ZNF587: variants seen among roughly 807,000 people sequenced by gnomAD.
ZNF587 encodes the protein zinc finger protein zfp6.
A neutral mutation model predicts 7.5 loss-of-function variants in ZNF587; 8 were observed. The observed-to-expected ratio is 1.06, with a 90% CI of 0.62 to 1.92. The LOEUF (loss-of-function observed/expected upper bound fraction) is 1.92. Ranked by LOEUF, ZNF587 falls within the 40% of genes most tolerant of loss-of-function variation. The probability of loss-of-function intolerance (pLI) is 0.00; values close to 1 mark genes in which losing one functional copy is unlikely to be tolerated. For synonymous variants in ZNF587, 145 were observed against 237.8 expected (o/e 0.61, Z 3.59); for missense variants, 468 against 692.8 (o/e 0.68, Z 3.64).
chr19:57,854,120 TTTCA>T (rs1296814493), intron 1 of ZNF587: 1 of 151,556 alleles, frequency 6.6e-6, no homozygotes, highest in Non-Finnish European at 1.5e-5. Flanking sequence ...GCCTGGGGAG[TTTCA>T]TTCAGCCTGG....
intron 1 of ZNF587, chr19:57,850,559 G>C (rs2071269073): frequency 4.8e-6 from 2 of 416,504 alleles, no homozygotes; most frequent in South Asian, 9.1e-5. Context: ...TCCAGTGCAG[G>C]ATCTGCAAAA....
rs759643060 is a variant in ZNF587, at chr19:57,859,552, C to T, written c.1140C>T (p.Tyr380=). ...GTGTTCACACTGGAGAAAGGCCTTA[C>T]AAGTGTGGAGAATGTGGGAAATCTT... ...HQRVHTGERP[Y]KCGECGKSFG... is the part of the protein sequence containing the mutation. The change falls in exon 3 of 3, where the codon TAC becomes TAT. Residue 380 remains tyrosine (Y), a synonymous_variant. Transcript: ENST00000339656. 4.3e-6 allele frequency: 7 copies of T among 1,611,740 alleles called. No individual in the cohort carries two copies. The highest frequency in any genetic ancestry group is 5.1e-6 in the Non-Finnish European group (6 of 1,179,374).
At position 57,859,698 on chromosome 19, in the gene ZNF587, T is replaced by G. The variant is rs773039363; in HGVS notation, c.1286T>G (p.Leu429Arg). 1 of 1,613,638 alleles carries G rather than the reference T, an allele frequency of 6.2e-7. No homozygotes were observed. Among genetic ancestry groups the G allele is most frequent in the Admixed American group, 1.7e-5 (1 of 59,972 alleles). Residue 429 changes from leucine to arginine, a missense_variant, in exon 3 of 3, where the codon CTT becomes CGT. Leu to Arg is a moderately radical substitution (Grantham distance 102). This residue lies in a region of ZNF587 where 310 missense variants were observed against 325.6 expected (regional missense o/e 0.95). Coordinates refer to ENST00000339656, the MANE Select transcript of ZNF587 (RefSeq NM_032828.4). Reference sequence around the variant, plus strand: ...TCCCACCTCACTGAACACCAGAGACTTCACACTGGGGAAAGACCTTACAAT... The same window carrying G: ...TCCCACCTCACTGAACACCAGAGACGTCACACTGGGGAAAGACCTTACAAT... ...YRSHLTEHQRLHTGERPYNCR... is the reference protein window; with the variant it reads ...YRSHLTEHQRRHTGERPYNCR...
At position 57,853,445 on chromosome 19, in the gene ZNF587, T is replaced by C. The variant is rs1485544601; in HGVS notation, c.34-2659T>C. 2.0e-5 allele frequency among the ~76,000 whole-genome samples: 3 copies of C among 152,148 alleles called. No homozygotes were observed. The East Asian group carries it at 5.8e-4, about 29-fold the overall frequency. On this transcript the variant is annotated intron_variant, in intron 1 of 2. Coordinates refer to ENST00000339656, the MANE Select transcript of ZNF587 (RefSeq NM_032828.4). ...TGAAAGCTAATGAGTGAACTATGAT[T>C]AGTTATGGGTCCATTTAGGAGGACA...
In ZNF587 at chr19:57,859,851, C is replaced by T. The variant is rs1209355346; in HGVS notation, c.1439C>T (p.Thr480Ile). 6.2e-7 allele frequency: 1 copy of T among 1,613,798 alleles called. No homozygotes were observed. Among genetic ancestry groups the T allele is most frequent in the South Asian group, 1.1e-5 (1 of 91,058 alleles). ...TTATTTGGCAATAAGCACAGCGTGA[C>T]TATACATCAGAGGATTCACACTGGA... is the stretch of plus-strand genomic sequence containing the variant. ...GKLFGNKHSV[T>I]IHQRIHTGER... is the part of the protein sequence containing the mutation. The change falls in exon 3 of 3, where the codon ACT becomes ATT. Residue 480 changes from threonine to isoleucine, a missense_variant. Coordinates refer to ENST00000339656, the MANE Select transcript of ZNF587 (RefSeq NM_032828.4).
In ZNF587 at chr19:57,849,859, A is replaced by AGTAGCGGCTGT; in HGVS notation, c.-176_-166dup. On this transcript the variant is annotated 5_prime_UTR_variant, in exon 1 of 3. Coordinates refer to ENST00000339656, the MANE Select transcript of ZNF587 (RefSeq NM_032828.4). ...TAAGGCCGAGACTTCCGGGGTCTCT[A>AGTAGCGGCTGT]GTAGCGGCTGTGTATCGGCGATGCG... 1 of 1,476,996 alleles carries AGTAGCGGCTGT rather than the reference A, an allele frequency of 6.8e-7. No individual in the cohort carries two copies. The highest frequency in any genetic ancestry group is 9.0e-7 in the Non-Finnish European group (1 of 1,113,786). The allele number at this position is 1,476,996 out of a possible 1,614,324, so 91.5% of individuals were successfully genotyped here. A position where few individuals can be genotyped will look rare whatever the true frequency, so the allele number is the denominator to read the frequency against.
Position 57,856,157 on chromosome 19 carries a change from G to A in ZNF587, c.87G>A (p.Trp29Ter). ...CTGTGAACTTTTCCCAGGAGGAGTG[G>A]TGTCTTCTTAGTGAGGCTCAGAGGT... is the stretch of plus-strand genomic sequence containing the variant. ...DVAVNFSQEE[W>*]CLLSEAQRCL... Residue 29 changes from tryptophan (W) to a stop codon, truncating the protein, a stop_gained, in exon 2 of 3, where the codon TGG becomes TGA. Transcript: ENST00000339656. LOFTEE classifies it high-confidence loss of function. 6.2e-7 allele frequency: 1 copy of A among 1,613,134 alleles called. No individual in the cohort carries two copies. Among genetic ancestry groups the A allele is most frequent in the Non-Finnish European group, 8.5e-7 (1 of 1,179,590 alleles).
rs778415246 is a variant in ZNF587 at position 57,860,299 on chromosome 19, T to A, written c.*159T>A. ...GCGACTTCGTGTTGAGATGGAGTCTTGTTCTGTCACCCAGGCTGGAGTGCA... is the reference window on the plus strand; with the variant it reads ...GCGACTTCGTGTTGAGATGGAGTCTAGTTCTGTCACCCAGGCTGGAGTGCA... On this transcript the variant is annotated 3_prime_UTR_variant, in exon 3 of 3. Coordinates refer to ENST00000339656, the MANE Select transcript of ZNF587 (RefSeq NM_032828.4). 7.1e-7 allele frequency: 1 copy of A among 1,411,238 alleles called. No homozygotes were observed. Among genetic ancestry groups the A allele is most frequent in the Admixed American group, 2.0e-5 (1 of 48,968 alleles). 87.4% of individuals were successfully genotyped at this position (1,411,238 alleles called of 1,614,324 possible).
At chr19:57,852,265 T>G (rs2071290634) in intron 1 of ZNF587, 1 of 398,406 alleles carries the variant, frequency 2.5e-6, no homozygotes, top group South Asian at 1.3e-4. Context: ...CCTTGTAAGA[T>G]TAACCCAGGA....
At chr19:57,854,947 T>C (rs1396673387) in intron 1 of ZNF587, among the ~76,000 whole-genome samples, 6 of 145,548 alleles carry the variant, frequency 4.1e-5, no homozygotes, top group Admixed American at 1.4e-4. Context: ...GATGCTGAGG[T>C]GGGTGGATCA....
At position 57,860,137 on chromosome 19, in the gene ZNF587, A is replaced by G. The variant is rs767918728; in HGVS notation, c.1725A>G (p.Leu575=). 1 of 1,614,168 alleles carries G rather than the reference A, an allele frequency of 6.2e-7. No individual in the cohort carries two copies. The highest frequency in any genetic ancestry group is 1.1e-5 in the South Asian group (1 of 91,080). ...HHQSSHRRKA[L] ...AGAGTTCACACAGGAGAAAGGCCTTATGAGTGCAGTGAATATGGGAAATCG... is the reference window on the plus strand; with the variant it reads ...AGAGTTCACACAGGAGAAAGGCCTTGTGAGTGCAGTGAATATGGGAAATCG... The change falls in exon 3 of 3, where the codon TTA becomes TTG. Residue 575 remains leucine, a synonymous_variant. Coordinates refer to ENST00000339656, the MANE Select transcript of ZNF587 (RefSeq NM_032828.4).
chr19:57,858,122 CTTTT>C (rs572536483), intron 2 of ZNF587: 8 of 123,572 alleles, frequency 6.5e-5, no homozygotes, highest in Non-Finnish European at 1.2e-4. Context: ...GAAGCCCCAT[CTTTT>C]TTTTTTTTTT....
chr19:57,852,540 TC>T (rs200798261), intron 1 of ZNF587, among the ~76,000 whole-genome samples: 251 of 149,522 alleles, frequency 1.7e-3, no homozygotes, highest in Middle Eastern at 3.4e-3. Context: ...CTTTTTTTTT[TC>T]TTAACGTGGA....
chr19:57,854,677 T>C (rs1600120325), intron 1 of ZNF587, among the ~76,000 whole-genome samples: 2 of 151,922 alleles, frequency 1.3e-5, no homozygotes, highest in South Asian at 2.1e-4. Context: ...AGCAGAGTTA[T>C]GGAAACAAAC....
intron 1 of ZNF587, among the ~76,000 whole-genome samples, chr19:57,852,840 CTTTTTTTTTTTTT>C (rs35543941): frequency 8.3e-4 from 21 of 25,282 alleles, no homozygotes; most frequent in African/African-American, 1.9e-3. Flanking sequence ...GACAGCTAGG[CTTTTTTTTTTTTT>C]TTTTTTTTTT....
At chr19:57,857,182 C>T (rs1315623990) in intron 2 of ZNF587, 1 of 151,914 alleles carries the variant, frequency 6.6e-6, no homozygotes, top group South Asian at 2.1e-4. Flanking sequence ...AGGCTCATCA[C>T]GATAGGCTCA....
chr19:57,850,745 C>T, intron 1 of ZNF587: 1 of 395,468 alleles, frequency 2.5e-6, no homozygotes, highest in Non-Finnish European at 4.5e-6. Flanking sequence ...TGGGCTCCAC[C>T]CAGTTTATTG....
Position 57,859,433 on chromosome 19 carries a change from C to T in ZNF587, c.1021C>T (p.Gln341Ter). 2.5e-6 allele frequency: 4 copies of T among 1,611,030 alleles called. No individual in the cohort carries two copies. Among genetic ancestry groups the T allele is most frequent in the Non-Finnish European group, 3.4e-6 (4 of 1,179,944 alleles). Residue 341 changes from glutamine to a stop codon, truncating the protein, a stop_gained, in exon 3 of 3, where the codon CAA becomes TAA. Coordinates refer to ENST00000339656, the MANE Select transcript of ZNF587 (RefSeq NM_032828.4). LOFTEE classifies it low-confidence loss of function (END_TRUNC). ...KSFGQKGNLIQHQQGHTGERA... is the reference protein window; with the variant it reads ...KSFGQKGNLI ...TTTTGGTCAAAAGGGTAACCTCATT[C>T]AACATCAGCAAGGTCACACTGGAGA...
Position 57,852,840 on chromosome 19 carries a change from C to CTTTTTTTTTT in ZNF587, c.33+2790_33+2799dup, listed in dbSNP as rs35543941. 1.3e-3 allele frequency among the ~76,000 whole-genome samples: 33 copies of CTTTTTTTTTT among 25,284 alleles called. 11 individuals are homozygous for CTTTTTTTTTT. Among genetic ancestry groups the CTTTTTTTTTT allele is most frequent in the African/African-American group, 4.9e-3 (26 of 5,336 alleles). The allele number at this position is 25,284 out of a possible 152,430, so 16.6% of individuals were successfully genotyped here. On this transcript the variant is annotated intron_variant, in intron 1 of 2. Transcript: ENST00000339656. ...AATGCGCCCAGCCGAGACAGCTAGGCTTTTTTTTTTTTTTTTTTTTTTTTT... is the reference window on the plus strand; with the variant it reads ...AATGCGCCCAGCCGAGACAGCTAGGCTTTTTTTTTTTTTTTTTTTTTTTTTTTTTTTTTTT...
Sources: gnomAD v4.1 joint callset for allele counts (sites outside exome capture counted in the v4.1 genomes callset) on GRCh38, gnomAD v4.1.1 for gene constraint, gnomAD v4.1.1 regional missense constraint, MANE v1.5 for transcripts, NCBI Gene and HGNC (gene_info 2026-07-23, HGNC 2026-07-21) for gene names.